Variants in DNER observed in about 807,000 individuals in gnomAD.
DNER encodes delta/notch like EGF repeat containing, also known as delta and Notch-like epidermal growth factor-related receptor.
In DNER, 33 loss-of-function variants were observed where a neutral mutation model predicts 78.2. The observed-to-expected ratio is 0.42, with a 90% CI of 0.32 to 0.56. The LOEUF (loss-of-function observed/expected upper bound fraction) is 0.56. DNER is among the 20% of genes least tolerant of loss of function. The probability of loss-of-function intolerance (pLI) is 0.11; values close to 1 mark genes in which losing one functional copy is unlikely to be tolerated. For synonymous variants in DNER, 417 were observed against 384.8 expected (o/e 1.08, Z -0.98); for missense variants, 918 against 975.3 (o/e 0.94, Z 0.78).
intron 10 of DNER, among the ~76,000 whole-genome samples, chr2:229,390,222 G>C (rs1011294320): frequency 3.3e-5 from 5 of 152,194 alleles, no homozygotes; most frequent in African/African-American, 9.7e-5. Flanking sequence ...GAAATGAGAT[G>C]CTCTGTAACC....
chr2:229,679,261 A>G (rs1334884236), intron 1 of DNER, among the ~76,000 whole-genome samples: 1 of 152,238 alleles, frequency 6.6e-6, no homozygotes, highest in African/African-American at 2.4e-5. Context: ...ATCACCTTTA[A>G]TGATAATTTC....
At chr2:229,384,813 G>C (rs1692825579) in intron 11 of DNER, among the ~76,000 whole-genome samples, 1 of 152,092 alleles carries the variant, frequency 6.6e-6, no homozygotes, top group African/African-American at 2.4e-5. Context: ...TGGATTCACA[G>C]CCAAATTTTA....
Position 229,358,596 on chromosome 2 carries a change from C to A in DNER, c.2158G>T (p.Asp720Tyr), listed in dbSNP as rs1486878125. ...AAGGGTTTGTCATCAGGACTGTAAT[C>A]TTCATAGGCGATGGGGCTCACATCA... ...MYDVSPIAYE[D>Y]YSPDDKPLVT... The change falls in exon 13 of 13, where the codon GAT becomes TAT. Residue 720 changes from aspartate (D) to tyrosine (Y), a missense_variant. Physicochemically the swap from Asp to Tyr is radical, Grantham distance 160. Coordinates refer to ENST00000341772, the MANE Select transcript of DNER (RefSeq NM_139072.4). 10 of 1,613,774 alleles carry A rather than the reference C, an allele frequency of 6.2e-6. No individual in the cohort carries two copies. The highest frequency in any genetic ancestry group is 8.5e-6 in the Non-Finnish European group (10 of 1,179,934).
At chr2:229,635,973 CG>C (rs1456454465) in intron 1 of DNER, among the ~76,000 whole-genome samples, 1 of 150,810 alleles carries the variant, frequency 6.6e-6, no homozygotes, top group Non-Finnish European at 1.5e-5. Flanking sequence ...TTTTAGTTGA[CG>C]TTTTACAGAG....
chr2:229,381,593 G>T (rs1380621975), intron 11 of DNER, among the ~76,000 whole-genome samples: 2 of 152,124 alleles, frequency 1.3e-5, no homozygotes, highest in African/African-American at 4.8e-5. Context: ...TTGGTGGGGG[G>T]AGGGGCGTCC....
At chr2:229,634,891 C>A (rs566409837) in intron 1 of DNER, among the ~76,000 whole-genome samples, 1 of 152,338 alleles carries the variant, frequency 6.6e-6, no homozygotes, top group South Asian at 2.1e-4. Flanking sequence ...GGAAACCCTT[C>A]AGGGCCCAAC....
chr2:229,615,268 A>T (rs889763368), intron 1 of DNER, among the ~76,000 whole-genome samples: 4 of 151,744 alleles, frequency 2.6e-5, no homozygotes, highest in Admixed American at 6.6e-5. Context: ...AAAATTAGCC[A>T]GGCGTGGTGG....
intron 11 of DNER, among the ~76,000 whole-genome samples, chr2:229,375,504 C>A (rs1207046960): frequency 6.6e-6 from 1 of 152,186 alleles, no homozygotes; most frequent in African/African-American, 2.4e-5. Context: ...GGAGAGGATG[C>A]ATTCCTGGTG....
chr2:229,701,320 T>G (rs1477240294), intron 1 of DNER, among the ~76,000 whole-genome samples: 1 of 152,228 alleles, frequency 6.6e-6, no homozygotes, highest in East Asian at 1.9e-4. Flanking sequence ...TTGACAAACC[T>G]TTCAGAAAAA....
At chr2:229,480,864 T>C in intron 6 of DNER, among the ~76,000 whole-genome samples, 1 of 152,206 alleles carries the variant, frequency 6.6e-6, no homozygotes, top group East Asian at 1.9e-4. Context: ...AACATGGAAC[T>C]ATGGAGAAAA....
At chr2:229,507,758 G>A (rs1460383824) in intron 6 of DNER, among the ~76,000 whole-genome samples, 2 of 152,102 alleles carry the variant, frequency 1.3e-5, no homozygotes. Context: ...AATTCATATT[G>A]ATTAAAGACT....
chr2:229,365,510 T>C (rs7564004), intron 12 of DNER, among the ~76,000 whole-genome samples: 107,535 of 151,924 alleles, frequency 0.71, 38,566 homozygotes, highest in East Asian at 0.91. Flanking sequence ...CATCTCAGCT[T>C]ACTGCAACCT....
chr2:229,420,032 G>T (rs1225798514), intron 8 of DNER, among the ~76,000 whole-genome samples: 1 of 151,128 alleles, frequency 6.6e-6, no homozygotes, highest in Non-Finnish European at 1.5e-5. Context: ...ATACAGCCAG[G>T]TTGAGAAACT....
chr2:229,698,314 A>C (rs1574572122), intron 1 of DNER, among the ~76,000 whole-genome samples: 1 of 152,198 alleles, frequency 6.6e-6, no homozygotes, highest in Non-Finnish European at 1.5e-5. Context: ...GCTGGTCTCC[A>C]TTTCCTGCAC....
chr2:229,407,832 A>G (rs1693421058), intron 9 of DNER, among the ~76,000 whole-genome samples: 2 of 152,208 alleles, frequency 1.3e-5, no homozygotes, highest in Non-Finnish European at 2.9e-5. Flanking sequence ...CTTCATTCTC[A>G]AAGACATCAC....
At chr2:229,550,150 A>T (rs1696704192) in intron 4 of DNER, among the ~76,000 whole-genome samples, 1 of 150,924 alleles carries the variant, frequency 6.6e-6, no homozygotes, top group South Asian at 2.1e-4. Context: ...GCGCCACCAC[A>T]CCCAGCTAAT....
chr2:229,704,016 A>G (rs1699790410), intron 1 of DNER, among the ~76,000 whole-genome samples: 1 of 152,216 alleles, frequency 6.6e-6, no homozygotes. Flanking sequence ...TTTGAATCAG[A>G]AATATGGAAA....
At position 229,468,799 on chromosome 2, in the gene DNER, G is replaced by A. The variant is rs1005850748; in HGVS notation, c.1261+8341C>T. Among the ~76,000 whole-genome samples, 8 of 152,142 alleles carry A rather than the reference G, an allele frequency of 5.3e-5. No individual in the cohort carries two copies. In the South Asian group the frequency reaches 6.2e-4, roughly 12 times the overall value. On this transcript the variant is annotated intron_variant, in intron 7 of 12. Coordinates refer to ENST00000341772, the MANE Select transcript of DNER (RefSeq NM_139072.4). Reference sequence around the variant, plus strand: ...ATTAGGTAGTTACAGAAGGAGCCTGGAGAAGGCATACCACGAGGAGTGAGG... The same window carrying A: ...ATTAGGTAGTTACAGAAGGAGCCTGAAGAAGGCATACCACGAGGAGTGAGG...
chr2:229,560,849 G>A (rs1046263964), intron 4 of DNER, among the ~76,000 whole-genome samples: 2 of 152,052 alleles, frequency 1.3e-5, no homozygotes, highest in African/African-American at 4.8e-5. Flanking sequence ...TAAGCAGAAC[G>A]CAGTCCAAAC....
Sources: gnomAD v4.1 joint callset for allele counts (sites outside exome capture counted in the v4.1 genomes callset) on GRCh38, gnomAD v4.1.1 for gene constraint, MANE v1.5 for transcripts, NCBI Gene and HGNC (gene_info 2026-07-23, HGNC 2026-07-21) for gene names.